The following PRDM5 variants were observed in gnomAD, a reference collection of about 807,000 sequenced individuals.
PRDM5 encodes PR/SET domain 5, also known as PR domain zinc finger protein 5.
PRDM5 carries 56 observed loss-of-function variants against 81.2 expected under a neutral mutation model. The observed-to-expected ratio is 0.69, with a 90% CI of 0.56 to 0.86. PRDM5 has a LOEUF of 0.86. Ranked by LOEUF, PRDM5 falls within the 40% of genes least tolerant of loss-of-function variation. The pLI is 0.00. For synonymous variants in PRDM5, 267 were observed against 256.4 expected (o/e 1.04, Z -0.39); for missense variants, 697 against 770.1 (o/e 0.91, Z 1.12).
chr4:120,717,237 G>C (rs1349457111), intron 14 of PRDM5, among the ~76,000 whole-genome samples: 1 of 152,074 alleles, frequency 6.6e-6, no homozygotes, highest in African/African-American at 2.4e-5. Flanking sequence ...CTTGTCCTTT[G>C]TCATCACAAC....
At chr4:120,764,821 A>T (rs1314224482) in intron 13 of PRDM5, among the ~76,000 whole-genome samples, 3 of 152,222 alleles carry the variant, frequency 2.0e-5, no homozygotes. Context: ...CTCTTAGATT[A>T]TCTGCAGGTA....
chr4:120,753,945 G>T (rs1380595080), intron 14 of PRDM5, among the ~76,000 whole-genome samples: 1 of 152,132 alleles, frequency 6.6e-6, no homozygotes, highest in East Asian at 1.9e-4. Context: ...TTTTTTAAAA[G>T]CATGTGAAAC....
intron 11 of PRDM5, among the ~76,000 whole-genome samples, chr4:120,783,203 A>AT (rs1371014018): frequency 2.0e-5 from 3 of 152,086 alleles, no homozygotes; most frequent in Admixed American, 6.6e-5. Context: ...TGTCCTCCCT[A>AT]TTTTAGCCAT....
chr4:120,775,960 G>A (rs971547139), intron 13 of PRDM5, among the ~76,000 whole-genome samples: 25 of 152,160 alleles, frequency 1.6e-4, no homozygotes, highest in Admixed American at 1.4e-3. Flanking sequence ...TGTACCATCA[G>A]TACCTGGTGC....
intron 10 of PRDM5, among the ~76,000 whole-genome samples, chr4:120,790,469 T>G (rs1479767413): frequency 1.3e-5 from 2 of 152,224 alleles, no homozygotes; most frequent in Non-Finnish European, 2.9e-5. Context: ...CAACTCTTAG[T>G]AACTATACTA....
intron 8 of PRDM5, among the ~76,000 whole-genome samples, chr4:120,809,999 C>T (rs1753601727): frequency 6.6e-6 from 1 of 152,282 alleles, no homozygotes; most frequent in Middle Eastern, 3.4e-3. Context: ...AGAGAACAGG[C>T]TCAGGGCTCT....
chr4:120,777,106 G>C (rs764846076), intron 13 of PRDM5, 82 bp downstream of exon 13: 13 of 1,607,360 alleles, frequency 8.1e-6, no homozygotes, highest in Non-Finnish European at 1.1e-5. Context: ...GAAGATATTT[G>C]TATTATTACA....
chr4:120,803,038 G>A (rs1421668402), intron 8 of PRDM5, among the ~76,000 whole-genome samples: 1 of 152,148 alleles, frequency 6.6e-6, no homozygotes, highest in Admixed American at 6.5e-5. Flanking sequence ...GAAAACCATG[G>A]CACAAGAACT....
intron 14 of PRDM5, among the ~76,000 whole-genome samples, chr4:120,740,142 C>A (rs1379998350): frequency 6.6e-6 from 1 of 151,964 alleles, no homozygotes; most frequent in Non-Finnish European, 1.5e-5. Context: ...CTTGGCAAGG[C>A]ATATAAAATT....
rs377760464 is a variant in PRDM5 at position 120,720,706 on chromosome 4, G to A, written c.1624-10293C>T. ...TAGCTTTTGTGGCTTTTTATTCACC[G>A]TCTTATTTTTATAGCCAGTGTGATC... On this transcript the variant is annotated intron_variant, in intron 14 of 15. Coordinates refer to ENST00000264808, the MANE Select transcript of PRDM5 (RefSeq NM_018699.4). 6.2e-4 allele frequency among the ~76,000 whole-genome samples: 95 copies of A among 152,134 alleles called. 1 individual carries two copies. Among genetic ancestry groups the A allele is most frequent in the East Asian group, 4.6e-3 (24 of 5,176 alleles).
chr4:120,710,206 AACAC>A, intron 15 of PRDM5, 99 bp downstream of exon 15: 2 of 951,168 alleles, frequency 2.1e-6, no homozygotes, highest in Non-Finnish European at 3.3e-6. Flanking sequence ...CCAGCAATGC[AACAC>A]ACACACACAG....
At chr4:120,742,184 T>G (rs1023643192) in intron 14 of PRDM5, among the ~76,000 whole-genome samples, 5 of 152,108 alleles carry the variant, frequency 3.3e-5, no homozygotes, top group African/African-American at 1.2e-4. Flanking sequence ...CACCTCACAC[T>G]GCAGGGTACT....
intron 15 of PRDM5, among the ~76,000 whole-genome samples, chr4:120,706,638 C>T (rs907046534): frequency 2.0e-5 from 3 of 151,488 alleles, no homozygotes; most frequent in African/African-American, 4.9e-5. Context: ...GCCATTTGCA[C>T]AGCCTCGAAT....
intron 8 of PRDM5, among the ~76,000 whole-genome samples, chr4:120,800,672 T>C (rs2149290144): frequency 6.6e-6 from 1 of 152,278 alleles, no homozygotes; most frequent in East Asian, 1.9e-4. Context: ...GCGTATTATA[T>C]TCTGGATTTT....
chr4:120,802,489 G>A (rs1752277630), intron 8 of PRDM5, among the ~76,000 whole-genome samples: 1 of 152,204 alleles, frequency 6.6e-6, no homozygotes, highest in South Asian at 2.1e-4. Context: ...ACATGGCCAG[G>A]TACCCCTCTG....
intron 14 of PRDM5, among the ~76,000 whole-genome samples, chr4:120,739,193 G>T (rs1266829774): frequency 6.6e-6 from 1 of 152,190 alleles, no homozygotes; most frequent in Non-Finnish European, 1.5e-5. Flanking sequence ...AGCTTATTCT[G>T]TTCCAGCCTC....
chr4:120,902,116 GGAAA>G (rs1200652306), intron 2 of PRDM5, among the ~76,000 whole-genome samples: 2 of 152,176 alleles, frequency 1.3e-5, no homozygotes, highest in Non-Finnish European at 2.9e-5. Flanking sequence ...CTTTTGAAAT[GGAAA>G]GAAAGGCCCA....
At chr4:120,808,619 A>G (rs1423919065) in intron 8 of PRDM5, among the ~76,000 whole-genome samples, 1 of 152,068 alleles carries the variant, frequency 6.6e-6, no homozygotes, top group African/African-American at 2.4e-5. Flanking sequence ...CACACTCCTC[A>G]GCCCTTGGGT....
chr4:120,805,888 A>G (rs961316159), intron 8 of PRDM5, among the ~76,000 whole-genome samples: 58 of 152,330 alleles, frequency 3.8e-4, no homozygotes, highest in African/African-American at 1.4e-3. Flanking sequence ...AGGGTATTCA[A>G]TTAGGAAAAG....
Sources: gnomAD v4.1 joint callset for allele counts (sites outside exome capture counted in the v4.1 genomes callset) on GRCh38, gnomAD v4.1.1 for gene constraint, MANE v1.5 for transcripts, NCBI Gene and HGNC (gene_info 2026-07-23, HGNC 2026-07-21) for gene names.